Variants in RBM20 observed in about 807,000 individuals in gnomAD.
RBM20 encodes RNA binding motif protein 20.
Under a neutral mutation model 110.1 loss-of-function variants are expected in RBM20, and 51 were observed. That is an observed-to-expected ratio of 0.46 (90% CI 0.37 to 0.59). The LOEUF (loss-of-function observed/expected upper bound fraction) is 0.59, where lower values mean the gene tolerates loss of function less well. RBM20 is among the 20% of genes least tolerant of loss of function. The pLI, the probability that RBM20 is intolerant of heterozygous loss-of-function variation, is 0.00. For missense variants in RBM20, 1,512 were observed against 1,574.9 expected (o/e 0.96, Z 0.68); for synonymous variants, 589 against 618.2 (o/e 0.95, Z 0.70).
chr10:110,697,888 AG>A, intron 1 of RBM20, among the ~76,000 whole-genome samples: 1 of 149,596 alleles, frequency 6.7e-6, no homozygotes, highest in Non-Finnish European at 1.5e-5. Flanking sequence ...TTGAAGAAAC[AG>A]GGGCCTTGTT....
At chr10:110,804,339 G>C (rs1003328657) in intron 7 of RBM20, among the ~76,000 whole-genome samples, 2 of 152,168 alleles carry the variant, frequency 1.3e-5, no homozygotes, top group Admixed American at 1.3e-4. Flanking sequence ...TGGCTACCGG[G>C]AAGGTAGAGG....
intron 1 of RBM20, among the ~76,000 whole-genome samples, chr10:110,662,976 T>C (rs1269917886): frequency 6.6e-6 from 1 of 152,074 alleles, no homozygotes; most frequent in Non-Finnish European, 1.5e-5. Context: ...TTCTTTCTTT[T>C]TTTTTTAAGA....
At chr10:110,687,992 G>A (rs999432345) in intron 1 of RBM20, among the ~76,000 whole-genome samples, 1 of 115,752 alleles carries the variant, frequency 8.6e-6, no homozygotes, top group Non-Finnish European at 1.8e-5. Flanking sequence ...CTCCTAAATG[G>A]TTTTGTGTGT....
chr10:110,645,296 C>T (rs1861853596), intron 1 of RBM20, among the ~76,000 whole-genome samples: 1 of 152,184 alleles, frequency 6.6e-6, no homozygotes, highest in South Asian at 2.1e-4. Context: ...GGTTAATAAG[C>T]CCCGAGAGGC....
At chr10:110,694,986 G>A (rs1456898779) in intron 1 of RBM20, among the ~76,000 whole-genome samples, 2 of 152,214 alleles carry the variant, frequency 1.3e-5, no homozygotes, top group Non-Finnish European at 2.9e-5. Flanking sequence ...TTCAAAGGTT[G>A]TGTCCTTACC....
At chr10:110,737,207 C>T (rs185440161) in intron 1 of RBM20, among the ~76,000 whole-genome samples, 1,329 of 76,042 alleles carry the variant, frequency 0.017, 14 homozygotes, top group Non-Finnish European at 0.021. Flanking sequence ...ACACCCCACA[C>T]ACACACTCAA....
chr10:110,705,698 T>G, intron 1 of RBM20, among the ~76,000 whole-genome samples: 1 of 152,230 alleles, frequency 6.6e-6, no homozygotes, highest in Non-Finnish European at 1.5e-5. Flanking sequence ...TATATTAATC[T>G]CAACAGTGGT....
chr10:110,743,616 T>C (rs1843745541), intron 1 of RBM20, among the ~76,000 whole-genome samples: 2 of 152,012 alleles, frequency 1.3e-5, no homozygotes, highest in Admixed American at 1.3e-4. Flanking sequence ...ATTGTTCTTT[T>C]ATATTATTAT....
At chr10:110,729,563 C>T (rs1253315333) in intron 1 of RBM20, among the ~76,000 whole-genome samples, 3 of 152,236 alleles carry the variant, frequency 2.0e-5, no homozygotes, top group African/African-American at 2.4e-5. Flanking sequence ...AAGCTGAGAT[C>T]GTATCTCCCA....
rs117585500 is a variant in RBM20 at position 110,762,900 on chromosome 10, G to T, written c.192-17901G>T. On this transcript the variant is annotated intron_variant, in intron 1 of 13. Coordinates refer to ENST00000369519, the MANE Select transcript of RBM20 (RefSeq NM_001134363.3). ...GGAAGGGCCAAACCTGCTGATTGGA[G>T]TAGAGCCTGGCAGCTTGGGGAAACC... Among the ~76,000 whole-genome samples, 9 of 152,336 alleles carry T rather than the reference G, an allele frequency of 5.9e-5. No individual in the cohort carries two copies. The East Asian group carries it at 1.5e-3, about 26-fold the overall frequency.
At chr10:110,690,318 A>T (rs1862568925) in intron 1 of RBM20, among the ~76,000 whole-genome samples, 1 of 152,116 alleles carries the variant, frequency 6.6e-6, no homozygotes. Context: ...AGGCAGGAGG[A>T]TCGCTTAAGC....
intron 1 of RBM20, among the ~76,000 whole-genome samples, chr10:110,758,348 C>T (rs1231122126): frequency 6.6e-6 from 1 of 152,012 alleles, no homozygotes; most frequent in Non-Finnish European, 1.5e-5. Context: ...GCTTATATTC[C>T]AGGGGAGGGA....
chr10:110,790,575 C>T (rs1042178485), intron 5 of RBM20, among the ~76,000 whole-genome samples: 2 of 152,204 alleles, frequency 1.3e-5, no homozygotes, highest in African/African-American at 4.8e-5. Context: ...ATATATCTCT[C>T]TAGCTAGTGT....
chr10:110,677,955 T>G (rs1862363121), intron 1 of RBM20, among the ~76,000 whole-genome samples: 1 of 152,204 alleles, frequency 6.6e-6, no homozygotes, highest in South Asian at 2.1e-4. Context: ...TTCATTCAAC[T>G]GAAAGAAGTA....
intron 1 of RBM20, among the ~76,000 whole-genome samples, chr10:110,649,752 A>G (rs886207514): frequency 6.6e-6 from 1 of 152,212 alleles, no homozygotes; most frequent in Admixed American, 6.5e-5. Context: ...TGCATTAAGT[A>G]AAATGATCCA....
At chr10:110,765,484 A>G (rs975184355) in intron 1 of RBM20, among the ~76,000 whole-genome samples, 3 of 152,188 alleles carry the variant, frequency 2.0e-5, no homozygotes, top group African/African-American at 7.2e-5. Flanking sequence ...ATCTTTAAGT[A>G]AAGTTAAGTG....
chr10:110,675,418 T>G (rs1019160024), intron 1 of RBM20, among the ~76,000 whole-genome samples: 3 of 152,228 alleles, frequency 2.0e-5, no homozygotes, highest in Non-Finnish European at 4.4e-5. Flanking sequence ...TGCATTCTTA[T>G]AATGTGGTTC....
chr10:110,665,610 C>G (rs1399312849), intron 1 of RBM20, among the ~76,000 whole-genome samples: 1 of 151,980 alleles, frequency 6.6e-6, no homozygotes, highest in Admixed American at 6.5e-5. Context: ...TGGGTCCTAG[C>G]TCAAAACAAA....
chr10:110,835,100 A>G (rs1235765139), intron 13 of RBM20: 1 of 152,212 alleles, frequency 6.6e-6, no homozygotes, highest in African/African-American at 2.4e-5. Context: ...CACAATTGCC[A>G]TAGGCCAGCG....
Sources: allele counts gnomAD v4.1 joint callset (sites outside exome capture counted in the v4.1 genomes callset), GRCh38; gene constraint gnomAD v4.1.1; transcripts MANE v1.5; gene names NCBI Gene and HGNC (gene_info 2026-07-23, HGNC 2026-07-21).